Variants in ADGRG7 observed in about 807,000 individuals in gnomAD.
ADGRG7 encodes the protein adhesion G protein-coupled receptor G7.
In ADGRG7, 82 loss-of-function variants were observed where a neutral mutation model predicts 88.6. That is an observed-to-expected ratio of 0.93 (90% CI 0.77 to 1.11). ADGRG7 has a LOEUF of 1.11. Ranked by LOEUF, ADGRG7 falls within the 50% of genes most tolerant of loss-of-function variation. The pLI is 0.00. For synonymous variants in ADGRG7, 381 were observed against 345.2 expected, an observed-to-expected ratio of 1.10 and a Z score of -1.15; for missense variants, 945 against 953.4, an observed-to-expected ratio of 0.99 and a Z score of 0.12.
Position 100,656,018 on chromosome 3 carries a change from G to C in ADGRG7, c.1823+23G>C, listed in dbSNP as rs2094937050. The C allele has an allele frequency of 4.1e-6, 6 of 1,454,648 alleles. No homozygotes were observed. The South Asian group carries it at 5.7e-5, about 14-fold the overall frequency. 90.1% of individuals were successfully genotyped at this position (1,454,648 alleles called of 1,614,324 possible). A position where few individuals can be genotyped will look rare whatever the true frequency, so the allele number is the denominator to read the frequency against. On this transcript the variant is annotated intron_variant, in intron 13 of 15. Transcript: ENST00000273352. ...AATGTGAGTTTATATTTTTTTAAAT[G>C]TCCAATTGTTTGACCTAAAAGTGTA...
At chr3:100,660,889 T>C (rs1399673224) in intron 14 of ADGRG7, among the ~76,000 whole-genome samples, 2 of 150,718 alleles carry the variant, frequency 1.3e-5, no homozygotes, top group South Asian at 2.1e-4. Context: ...GAGGTGGAGG[T>C]TGTGGTGAGC....
At chr3:100,676,875 A>G (rs1342732775) in intron 15 of ADGRG7, among the ~76,000 whole-genome samples, 1 of 151,372 alleles carries the variant, frequency 6.6e-6, no homozygotes, top group Non-Finnish European at 1.5e-5. Flanking sequence ...CTTTCTTTTT[A>G]TAGTTTTTGT....
intron 15 of ADGRG7, among the ~76,000 whole-genome samples, chr3:100,674,060 G>A (rs1224150133): frequency 6.6e-6 from 1 of 152,110 alleles, no homozygotes; most frequent in Non-Finnish European, 1.5e-5. Flanking sequence ...CTTTAAATGT[G>A]TCCCAAAGAT....
In ADGRG7 at chr3:100,611,054, T is replaced by A. The variant is rs1392556694; in HGVS notation, c.115+1083T>A. On this transcript the variant is annotated intron_variant, in intron 1 of 15. Transcript: ENST00000273352. ...ATCGATAGTATTTAGAGAACTAGAA[T>A]GAGAAAATTTACCAGAACAAAAATA... Among the ~76,000 whole-genome samples the A allele has an allele frequency of 2.6e-5, 4 of 152,186 alleles. No homozygotes were observed. In the East Asian group the frequency reaches 7.7e-4, roughly 29 times the overall value.
intron 1 of ADGRG7, among the ~76,000 whole-genome samples, chr3:100,624,447 A>G (rs114916504): frequency 0.015 from 2,262 of 152,242 alleles, 61 homozygotes; most frequent in African/African-American, 0.051. Context: ...GACCTTTGCA[A>G]TGAAGAGATT....
rs565365751 is a variant in ADGRG7 at position 100,683,689 on chromosome 3, G to A, written c.2137-11055G>A. 3.9e-5 allele frequency among the ~76,000 whole-genome samples: 6 copies of A among 152,378 alleles called. No individual in the cohort carries two copies. The South Asian group carries it at 1.2e-3, about 32-fold the overall frequency. ...GCCTGCCAGACCGAGTAGGAGGAATGAGCCCAGTGGGCTAGAGCTAAATGT... is the reference window on the plus strand; with the variant it reads ...GCCTGCCAGACCGAGTAGGAGGAATAAGCCCAGTGGGCTAGAGCTAAATGT... On this transcript the variant is annotated intron_variant, in intron 15 of 15. Transcript: ENST00000273352.
At chr3:100,650,649 A>G (rs115810848) in intron 11 of ADGRG7, among the ~76,000 whole-genome samples, 1 of 152,304 alleles carries the variant, frequency 6.6e-6, no homozygotes, top group East Asian at 1.9e-4. Context: ...GCGTATCAGT[A>G]TGTCCCATTA....
intron 14 of ADGRG7, among the ~76,000 whole-genome samples, chr3:100,666,609 G>T (rs2149033898): frequency 6.6e-6 from 1 of 152,320 alleles, no homozygotes; most frequent in African/African-American, 2.4e-5. Flanking sequence ...GGACGGGCAG[G>T]AGACAGATGC....
intron 15 of ADGRG7, among the ~76,000 whole-genome samples, chr3:100,690,979 A>G (rs2094992550): frequency 1.3e-5 from 2 of 152,230 alleles, no homozygotes; most frequent in Non-Finnish European, 2.9e-5. Context: ...CTACAGAGGC[A>G]GGCAGGCCTC....
intron 15 of ADGRG7, among the ~76,000 whole-genome samples, chr3:100,678,771 C>G (rs1191924285): frequency 6.6e-6 from 1 of 152,174 alleles, no homozygotes; most frequent in Non-Finnish European, 1.5e-5. Flanking sequence ...AGAGACTGTT[C>G]TCTTCCATTA....
chr3:100,654,697 C>A, intron 11 of ADGRG7, 138 bp from the exon 12 acceptor site: 1 of 570,214 alleles, frequency 1.8e-6, no homozygotes, highest in Non-Finnish European at 3.1e-6. Context: ...GGTAGATTTA[C>A]CAGCTGTCAC....
At chr3:100,651,844 T>TA (rs1317370447) in intron 11 of ADGRG7, among the ~76,000 whole-genome samples, 1 of 152,134 alleles carries the variant, frequency 6.6e-6, no homozygotes, top group African/African-American at 2.4e-5. Context: ...TGGTTCAACT[T>TA]ACGATTTTTC....
chr3:100,633,375 C>T lies in ADGRG7; in HGVS notation c.445C>T (p.Gln149Ter). Reference protein sequence around the residue: ...CNENLETLEKQVKDVTAPLNN... With the variant: ...CNENLETLEK The stretch of plus-strand genomic sequence containing the variant: ...TGAAAATCTGGAAACCCTGGAAAAG[C>T]AGGTATGCCATATGACTCACTGATG... The change falls in exon 4 of 16, where the codon CAG becomes TAG. Residue 149 changes from glutamine to a stop codon, truncating the protein, a stop_gained and splice_region_variant. Coordinates refer to ENST00000273352, the MANE Select transcript of ADGRG7 (RefSeq NM_032787.3). LOFTEE classifies it high-confidence loss of function. 1.9e-6 allele frequency: 3 copies of T among 1,563,708 alleles called. No individual in the cohort carries two copies. Among genetic ancestry groups the T allele is most frequent in the Non-Finnish European group, 2.6e-6 (3 of 1,149,074 alleles).
rs530569783 is a variant in ADGRG7, at chr3:100,618,260, C to T, written c.115+8289C>T. Among the ~76,000 whole-genome samples, 125 of 152,222 alleles carry T rather than the reference C, an allele frequency of 8.2e-4. 2 individuals carry two copies. In the South Asian group the frequency reaches 0.025, roughly 30 times the overall value. ...TCAATTTTGGCTTTTGCTGCCATTGCTTTTGGTGTTTTCGACATGAAGTCC... is the reference window on the plus strand; with the variant it reads ...TCAATTTTGGCTTTTGCTGCCATTGTTTTTGGTGTTTTCGACATGAAGTCC... On this transcript the variant is annotated intron_variant, in intron 1 of 15. Transcript: ENST00000273352.
intron 15 of ADGRG7, among the ~76,000 whole-genome samples, chr3:100,693,189 A>G (rs748163812): frequency 2.6e-5 from 4 of 152,180 alleles, no homozygotes; most frequent in Non-Finnish European, 4.4e-5. Flanking sequence ...GTCTTTTCCT[A>G]ATTATTGTAC....
At chr3:100,637,670 AC>A (rs1313159106) in intron 6 of ADGRG7, 4 of 365,800 alleles carry the variant, frequency 1.1e-5, no homozygotes, top group Non-Finnish European at 2.0e-5. Context: ...TGTTTTCCTC[AC>A]CTTAGTTTGG....
intron 14 of ADGRG7, chr3:100,664,906 A>C (rs2094949906): frequency 3.1e-6 from 1 of 324,720 alleles, no homozygotes; most frequent in Non-Finnish European, 6.2e-6. Context: ...TCTTTGATCA[A>C]ACTTTGCACA....
chr3:100,630,264 T>C (rs879533567), intron 2 of ADGRG7, among the ~76,000 whole-genome samples: 14 of 152,178 alleles, frequency 9.2e-5, no homozygotes, highest in Admixed American at 3.9e-4. Flanking sequence ...CTTCATGCTG[T>C]CTGCTTAGGG....
At chr3:100,660,431 A>T (rs2094943726) in intron 14 of ADGRG7, among the ~76,000 whole-genome samples, 1 of 152,112 alleles carries the variant, frequency 6.6e-6, no homozygotes. Flanking sequence ...CAGCCTCCAG[A>T]GTAGCTAGGA....
Sources: allele counts gnomAD v4.1 joint callset (sites outside exome capture counted in the v4.1 genomes callset), GRCh38; gene constraint gnomAD v4.1.1; transcripts MANE v1.5; gene names NCBI Gene and HGNC (gene_info 2026-07-23, HGNC 2026-07-21).